PLCL2: variants seen among roughly 807,000 people sequenced by gnomAD.
The protein encoded by PLCL2 is inactive phospholipase C-like protein 2.
A neutral mutation model predicts 79.6 loss-of-function variants in PLCL2; 4 were observed. The observed-to-expected ratio is 0.05, with a 90% confidence interval of 0.02 to 0.11. The LOEUF (loss-of-function observed/expected upper bound fraction) is 0.11, where lower values mean the gene tolerates loss of function less well. Ranked by LOEUF, PLCL2 falls within the 10% of genes least tolerant of loss-of-function variation. The pLI is 1.00. For synonymous variants in PLCL2, 484 were observed against 457.7 expected, an observed-to-expected ratio of 1.06 and a Z score of -0.73; for missense variants, 895 against 1,291.0, an observed-to-expected ratio of 0.69 and a Z score of 4.70.
At chr3:17,015,053 T>A in intron 3 of PLCL2, 142 bp downstream of exon 3, 1 of 654,646 alleles carries the variant, frequency 1.5e-6, no homozygotes, top group Non-Finnish European at 2.7e-6. Flanking sequence ...GTAATTCCCC[T>A]GACCTTGCTG....
intron 1 of PLCL2, among the ~76,000 whole-genome samples, chr3:16,959,730 A>G (rs1162839437): frequency 1.3e-5 from 2 of 152,166 alleles, no homozygotes; most frequent in Non-Finnish European, 2.9e-5. Flanking sequence ...TCAATACCAT[A>G]TCCCATCTGT....
intron 5 of PLCL2, among the ~76,000 whole-genome samples, chr3:17,071,040 TA>T (rs545555447): frequency 5.3e-4 from 80 of 152,308 alleles, no homozygotes; most frequent in Non-Finnish European, 9.1e-4. Flanking sequence ...TCTGCTTATT[TA>T]ACAAGTTTCT....
chr3:17,039,501 A>G (rs1200070125), intron 3 of PLCL2, among the ~76,000 whole-genome samples: 6 of 152,260 alleles, frequency 3.9e-5, no homozygotes, highest in African/African-American at 1.4e-4. Context: ...AAGAACAAGA[A>G]CTATGAACTG....
chr3:16,905,035 C>T, intron 1 of PLCL2, among the ~76,000 whole-genome samples: 1 of 152,058 alleles, frequency 6.6e-6, no homozygotes, highest in Non-Finnish European at 1.5e-5. Flanking sequence ...TGGTACAGCT[C>T]TGGCAGTCTT....
chr3:16,975,353 C>G (rs1267658873), intron 1 of PLCL2, among the ~76,000 whole-genome samples: 1 of 152,142 alleles, frequency 6.6e-6, no homozygotes, highest in Non-Finnish European at 1.5e-5. Flanking sequence ...AGCCCAGAAT[C>G]ACTCAGATTT....
chr3:17,004,796 T>C (rs12233538), intron 1 of PLCL2, among the ~76,000 whole-genome samples: 24,729 of 152,096 alleles, frequency 0.16, 2,504 homozygotes, highest in Non-Finnish European at 0.21. Flanking sequence ...TTTAGTTTTG[T>C]ATTGTTGTGT....
chr3:16,961,057 A>G (rs115085066), intron 1 of PLCL2, among the ~76,000 whole-genome samples: 1 of 152,310 alleles, frequency 6.6e-6, no homozygotes, highest in East Asian at 1.9e-4. Context: ...AATTAAAGCA[A>G]TGTTTTCTAA....
At chr3:16,923,090 C>T (rs926845943) in intron 1 of PLCL2, among the ~76,000 whole-genome samples, 1 of 152,194 alleles carries the variant, frequency 6.6e-6, no homozygotes, top group Non-Finnish European at 1.5e-5. Context: ...TCGGCTCCCC[C>T]ACAACCACCA....
Position 17,010,513 on chromosome 3 carries a change from A to G in PLCL2, c.1167A>G (p.Glu389=). Residue 389 remains glutamate (E), a synonymous_variant, in exon 2 of 6, where the codon GAA becomes GAG. Transcript: ENST00000615277. This position sits in a 1 kb window ranked among gnomAD's most constrained non-coding sequence, Gnocchi z 5.8. ...EISLEIIHKY[E]PSKEGQEKGW... is the part of the protein sequence containing the mutation. Reference sequence around the variant, plus strand: ...GCCTTGAAATTATTCACAAATATGAACCATCCAAAGAGGGTCAGGAAAAGG... The same window carrying G: ...GCCTTGAAATTATTCACAAATATGAGCCATCCAAAGAGGGTCAGGAAAAGG... 6.2e-7 allele frequency: 1 copy of G among 1,614,052 alleles called. No homozygotes were observed. The highest frequency in any genetic ancestry group is 1.1e-5 in the South Asian group (1 of 91,074).
intron 3 of PLCL2, among the ~76,000 whole-genome samples, chr3:17,017,272 T>C (rs2064395356): frequency 6.6e-6 from 1 of 152,236 alleles, no homozygotes; most frequent in Non-Finnish European, 1.5e-5. Context: ...ATTATAAAAT[T>C]ACTCTTTTAT....
At chr3:16,975,345 C>T (rs1479340368) in intron 1 of PLCL2, among the ~76,000 whole-genome samples, 10 of 152,096 alleles carry the variant, frequency 6.6e-5, no homozygotes, top group Non-Finnish European at 1.3e-4. Flanking sequence ...CTCAGTGAAG[C>T]CCAGAATCAC....
At chr3:16,974,699 GC>G (rs2063906154) in intron 1 of PLCL2, among the ~76,000 whole-genome samples, 1 of 152,168 alleles carries the variant, frequency 6.6e-6, no homozygotes, top group Non-Finnish European at 1.5e-5. Context: ...GTCTCTTGCT[GC>G]CACCATTAAT....
At chr3:16,994,794 A>G (rs1048967970) in intron 1 of PLCL2, among the ~76,000 whole-genome samples, 3 of 152,146 alleles carry the variant, frequency 2.0e-5, no homozygotes, top group Non-Finnish European at 4.4e-5. Flanking sequence ...CCTTTGTGAA[A>G]GGAACCACTA....
intron 3 of PLCL2, among the ~76,000 whole-genome samples, chr3:17,027,112 C>G (rs1252686099): frequency 1.3e-5 from 2 of 151,952 alleles, no homozygotes; most frequent in African/African-American, 4.8e-5. Flanking sequence ...TTTAAAATAC[C>G]AACTACACTT....
At chr3:16,949,906 T>G (rs1270408271) in intron 1 of PLCL2, among the ~76,000 whole-genome samples, 1 of 152,228 alleles carries the variant, frequency 6.6e-6, no homozygotes, top group Non-Finnish European at 1.5e-5. Flanking sequence ...TCATAGTTAA[T>G]CCCTTTCCCA....
chr3:17,012,251 ATATT>A, intron 2 of PLCL2, 91 bp downstream of exon 2: 1 of 1,138,378 alleles, frequency 8.8e-7, no homozygotes, highest in Non-Finnish European at 1.2e-6. Flanking sequence ...TAATAATAGT[ATATT>A]TAAGTAGTTT....
At chr3:16,910,338 C>T (rs1696848714) in intron 1 of PLCL2, among the ~76,000 whole-genome samples, 1 of 152,068 alleles carries the variant, frequency 6.6e-6, no homozygotes, top group South Asian at 2.1e-4. Flanking sequence ...GTCACCAATA[C>T]CCTCCAAGTT....
Position 17,011,033 on chromosome 3 carries a change from G to C in PLCL2, c.1687G>C (p.Gly563Arg). 3 of 1,613,986 alleles carry C rather than the reference G, an allele frequency of 1.9e-6. No homozygotes were observed. Among genetic ancestry groups the C allele is most frequent in the Non-Finnish European group, 2.5e-6 (3 of 1,180,002 alleles). Residue 563 changes from glycine (G) to arginine (R), a missense_variant, in exon 2 of 6, where the codon GGG becomes CGG. Physicochemically the swap from Gly to Arg is moderately radical, Grantham distance 125 (BLOSUM62 -2). Transcript: ENST00000615277. This position sits in a 1 kb window ranked among gnomAD's most constrained non-coding sequence, Gnocchi z 7.9. ...TCTACCATCCCCAGATGTCCTGAAA[G>C]GGAAAATACTAATTAAAGCAAAGAA... ...SYLPSPDVLK[G>R]KILIKAKKLS... is the part of the protein sequence containing the mutation.
chr3:17,071,250 C>T (rs2065057917), intron 5 of PLCL2, among the ~76,000 whole-genome samples: 1 of 152,166 alleles, frequency 6.6e-6, no homozygotes, highest in African/African-American at 2.4e-5. Context: ...GAGTTCCTGC[C>T]ACTAAAAGTG....
Sources: gnomAD v4.1 joint callset for allele counts (sites outside exome capture counted in the v4.1 genomes callset) on GRCh38, gnomAD v4.1.1 for gene constraint, Gnocchi (gnomAD v3.1) non-coding constraint, MANE v1.5 for transcripts, NCBI Gene and HGNC (gene_info 2026-07-23, HGNC 2026-07-21) for gene names.